Variants in UBXN7 observed in about 807,000 individuals in gnomAD.
The protein encoded by UBXN7 is UBX domain protein 7.
In UBXN7, 9 loss-of-function variants were observed where a neutral mutation model predicts 58.0. The ratio of observed to expected loss-of-function variants is 0.16; its 90% CI spans 0.09 to 0.27. The LOEUF is 0.27. Ranked by LOEUF, UBXN7 falls within the 10% of genes least tolerant of loss-of-function variation. The pLI is 1.00. For missense variants in UBXN7, 328 were observed against 599.6 expected, an observed-to-expected ratio of 0.55 and a Z score of 4.73; for synonymous variants, 208 against 205.0, an observed-to-expected ratio of 1.01 and a Z score of -0.12.
chr3:196,407,443 AC>A (rs1730196838), intron 1 of UBXN7, 50 bp from the exon 2 acceptor site: 1 of 1,464,006 alleles, frequency 6.8e-7, no homozygotes, highest in Non-Finnish European at 9.2e-7. Context: ...AAAAAAAAAG[AC>A]AGCCTCTTTC....
chr3:196,404,542 G>A (rs1730100024), intron 2 of UBXN7, among the ~76,000 whole-genome samples: 1 of 137,320 alleles, frequency 7.3e-6, no homozygotes, highest in African/African-American at 2.5e-5. Context: ...GATTACAGGC[G>A]TGAGCCACCG....
Position 196,396,623 on chromosome 3 carries a change from C to T in UBXN7, c.290-3004G>A, listed in dbSNP as rs1446282045. Among the ~76,000 whole-genome samples, 5 of 151,768 alleles carry T rather than the reference C, an allele frequency of 3.3e-5. 1 individual carries two copies. The South Asian group carries it at 6.2e-4, about 19-fold the overall frequency. On this transcript the variant is annotated intron_variant, in intron 3 of 10. Transcript: ENST00000296328. ...TAAAAAATAGAAAAAATTAGTCAGG[C>T]GTGGTGGCGGGTACCTGTAGTCCCA...
chr3:196,413,977 G>A (rs1049343837), intron 1 of UBXN7, among the ~76,000 whole-genome samples: 1 of 152,094 alleles, frequency 6.6e-6, no homozygotes, highest in African/African-American at 2.4e-5. Flanking sequence ...AAGTCTCTAC[G>A]TGTTCAGTAG....
rs1728302752 is a variant in UBXN7 at position 196,354,869 on chromosome 3, A to G, written c.*1816T>C. 6.6e-6 allele frequency: 1 copy of G among 151,448 alleles called. No individual in the cohort carries two copies. Among genetic ancestry groups the G allele is most frequent in the African/African-American group, 2.4e-5 (1 of 41,354 alleles). 9.4% of individuals were successfully genotyped at this position (151,448 alleles called of 1,614,324 possible). On this transcript the variant is annotated 3_prime_UTR_variant, in exon 11 of 11. Coordinates refer to ENST00000296328, the MANE Select transcript of UBXN7 (RefSeq NM_015562.2). ...TAAATATATTTATAAATATTTATAC[A>G]ATTATATACTTATACATAAGCACTT...
intron 5 of UBXN7, among the ~76,000 whole-genome samples, chr3:196,387,685 T>C (rs890539955): frequency 1.3e-5 from 2 of 152,038 alleles, no homozygotes; most frequent in African/African-American, 4.8e-5. Context: ...AACAGACACA[T>C]GAAAAAATGC....
intron 8 of UBXN7, among the ~76,000 whole-genome samples, chr3:196,363,241 TAC>T (rs1560218740): frequency 2.5e-5 from 3 of 118,968 alleles, no homozygotes; most frequent in Admixed American, 8.3e-5. Flanking sequence ...CATACATACA[TAC>T]ATACATAAAT....
Position 196,348,114 on chromosome 3 carries a change from G to A in UBXN7, c.*8571C>T, listed in dbSNP as rs1287465025. On this transcript the variant is annotated 3_prime_UTR_variant, in exon 11 of 11. Coordinates refer to ENST00000296328, the MANE Select transcript of UBXN7 (RefSeq NM_015562.2). ...TAGTTACAACTCTGCGTTACCTAAT[G>A]GCATGTTTTTCTCCTCTTACAAGTT... The A allele has an allele frequency of 2.6e-5, 4 of 152,082 alleles. No homozygotes were observed. The East Asian group carries it at 7.7e-4, about 29-fold the overall frequency. 9.4% of individuals were successfully genotyped at this position (152,082 alleles called of 1,614,324 possible).
In UBXN7 at chr3:196,381,511, T is replaced by C. The variant is rs191154973; in HGVS notation, c.469-9469A>G. Reference sequence around the variant, plus strand: ...ACCAACATCAAAGACCAAAGGTAGATAAAACCGCAAAGATGGGGAGAAACC... The same window carrying C: ...ACCAACATCAAAGACCAAAGGTAGACAAAACCGCAAAGATGGGGAGAAACC... On this transcript the variant is annotated intron_variant, in intron 5 of 10. Transcript: ENST00000296328. Among the ~76,000 whole-genome samples, 10 of 152,256 alleles carry C rather than the reference T, an allele frequency of 6.6e-5. No homozygotes were observed. The East Asian group carries it at 1.9e-3, about 29-fold the overall frequency.
intron 10 of UBXN7, among the ~76,000 whole-genome samples, chr3:196,360,262 T>C (rs186728312): frequency 2.0e-5 from 3 of 152,130 alleles, no homozygotes; most frequent in South Asian, 4.2e-4. Flanking sequence ...AAATAACAGA[T>C]TTAAGTTTGA....
intron 5 of UBXN7, among the ~76,000 whole-genome samples, chr3:196,389,546 C>T (rs534029718): frequency 3.9e-5 from 6 of 152,116 alleles, no homozygotes; most frequent in Non-Finnish European, 7.4e-5. Context: ...GGTGGGGCCT[C>T]GTAGGTGGTG....
chr3:196,363,951 A>G (rs1728584165), intron 8 of UBXN7, among the ~76,000 whole-genome samples: 2 of 152,064 alleles, frequency 1.3e-5, no homozygotes, highest in East Asian at 1.9e-4. Context: ...AACGAACAAA[A>G]TCAAGAAAAG....
At chr3:196,375,897 C>T (rs1000331798) in intron 5 of UBXN7, among the ~76,000 whole-genome samples, 6 of 152,144 alleles carry the variant, frequency 3.9e-5, no homozygotes, top group South Asian at 2.1e-4. Flanking sequence ...AGCGTGGTGG[C>T]GCATGCCTGT....
intron 7 of UBXN7, among the ~76,000 whole-genome samples, chr3:196,368,553 T>C (rs1728731807): frequency 6.6e-6 from 1 of 152,162 alleles, no homozygotes; most frequent in Non-Finnish European, 1.5e-5. Context: ...TAAAGACATA[T>C]CCTCTCCACC....
chr3:196,419,615 G>A (rs1404698350), intron 1 of UBXN7, among the ~76,000 whole-genome samples: 2 of 152,174 alleles, frequency 1.3e-5, no homozygotes, highest in African/African-American at 4.8e-5. Context: ...GATAATTAAA[G>A]GTTCCAGTGG....
chr3:196,430,317 G>A (rs552946532), intron 1 of UBXN7, among the ~76,000 whole-genome samples: 117 of 151,704 alleles, frequency 7.7e-4, no homozygotes, highest in Non-Finnish European at 1.4e-3. Context: ...ATCGTGCCTG[G>A]GAGATCTGCA....
chr3:196,431,371 G>C (rs953728275), intron 1 of UBXN7: 5 of 152,296 alleles, frequency 3.3e-5, no homozygotes, highest in African/African-American at 1.2e-4. Flanking sequence ...TGCAAGAAAA[G>C]TTCAGCACCA....
intron 6 of UBXN7, among the ~76,000 whole-genome samples, chr3:196,370,633 C>A (rs1728797707): frequency 6.6e-6 from 1 of 151,286 alleles, no homozygotes. Context: ...TATAAACAGG[C>A]AAATTAATAA....
intron 3 of UBXN7, among the ~76,000 whole-genome samples, chr3:196,398,606 A>G (rs1266866056): frequency 1.3e-5 from 2 of 152,196 alleles, no homozygotes; most frequent in Admixed American, 6.5e-5. Flanking sequence ...AAAATTTTCT[A>G]AAATCCTGTT....
At chr3:196,385,400 T>C (rs1432055032) in intron 5 of UBXN7, among the ~76,000 whole-genome samples, 3 of 152,164 alleles carry the variant, frequency 2.0e-5, no homozygotes, top group Non-Finnish European at 2.9e-5. Flanking sequence ...AGTGCCGAGA[T>C]TGCAGCCTCT....
Sources: allele counts gnomAD v4.1 joint callset (sites outside exome capture counted in the v4.1 genomes callset), GRCh38; gene constraint gnomAD v4.1.1; transcripts MANE v1.5; gene names NCBI Gene and HGNC (gene_info 2026-07-23, HGNC 2026-07-21).